TENM4: variants seen among roughly 807,000 people sequenced by gnomAD.
TENM4 encodes the protein teneurin transmembrane protein 4, also known as teneurin-4.
Under a neutral mutation model 243.3 loss-of-function variants are expected in TENM4, and 82 were observed. The ratio of observed to expected loss-of-function variants is 0.34; its 90% confidence interval spans 0.28 to 0.40. The LOEUF (loss-of-function observed/expected upper bound fraction) is 0.40, where lower values mean the gene tolerates loss of function less well. Ranked by LOEUF, TENM4 falls within the 10% of genes least tolerant of loss-of-function variation. The probability of loss-of-function intolerance (pLI) is 1.00; values close to 1 mark genes in which losing one functional copy is unlikely to be tolerated. For missense variants in TENM4, 3,138 were observed against 3,673.3 expected (o/e 0.85, Z 3.77); for synonymous variants, 1,412 against 1,456.3 (o/e 0.97, Z 0.69).
At chr11:79,326,088 G>T (rs1856971054) in intron 1 of TENM4, among the ~76,000 whole-genome samples, 1 of 152,150 alleles carries the variant, frequency 6.6e-6, no homozygotes, top group Non-Finnish European at 1.5e-5. Flanking sequence ...GGAACATATT[G>T]TGGGGTAAGA....
chr11:78,712,474 G>A lies in TENM4; in HGVS notation c.4054+8C>T, dbSNP rs1214111051. The A allele has an allele frequency of 2.4e-5, 39 of 1,610,984 alleles. No homozygotes were observed. In the East Asian group the frequency reaches 8.5e-4, roughly 35 times the overall value. The stretch of plus-strand genomic sequence containing the variant: ...GTTATTGACAATGTCTCTAAGGCAA[G>A]GCCTTACCCCTGGGATTGGTGAGTG... On this transcript the variant is annotated splice_region_variant and intron_variant, in intron 26 of 33. Transcript: ENST00000278550.
intron 2 of TENM4, among the ~76,000 whole-genome samples, chr11:79,272,359 AT>A (rs1176134184): frequency 6.6e-6 from 1 of 152,246 alleles, no homozygotes; most frequent in Non-Finnish European, 1.5e-5. Flanking sequence ...AAAGAAAAAA[AT>A]GACAACAATT....
intron 1 of TENM4, among the ~76,000 whole-genome samples, chr11:79,412,749 A>C (rs1439780623): frequency 1.3e-5 from 2 of 152,198 alleles, no homozygotes; most frequent in Non-Finnish European, 2.9e-5. Context: ...AACACTCCTG[A>C]TTATCATGTT....
At chr11:79,023,561 CAA>C (rs3985612) in intron 6 of TENM4, among the ~76,000 whole-genome samples, 10 of 113,368 alleles carry the variant, frequency 8.8e-5, no homozygotes, top group Admixed American at 9.7e-5. Context: ...GGCTCTGTCT[CAA>C]AAAAAAAAAA....
chr11:79,312,667 A>C (rs1015009250), intron 1 of TENM4, among the ~76,000 whole-genome samples: 9 of 152,304 alleles, frequency 5.9e-5, no homozygotes, highest in Non-Finnish European at 1.2e-4. Flanking sequence ...TTATAGCCTC[A>C]GTGCCTAGCA....
At chr11:79,363,364 C>T (rs534952496) in intron 1 of TENM4, among the ~76,000 whole-genome samples, 6 of 152,232 alleles carry the variant, frequency 3.9e-5, no homozygotes, top group South Asian at 2.1e-4. Flanking sequence ...TTCTCCCAAC[C>T]GGAATGTAAA....
intron 1 of TENM4, among the ~76,000 whole-genome samples, chr11:79,378,217 G>A (rs1565321712): frequency 6.6e-6 from 1 of 152,200 alleles, no homozygotes; most frequent in East Asian, 1.9e-4. Context: ...TGCATGCCTG[G>A]ATCTTGGGCA....
At chr11:79,354,064 A>G (rs1857458948) in intron 1 of TENM4, among the ~76,000 whole-genome samples, 1 of 152,200 alleles carries the variant, frequency 6.6e-6, no homozygotes. Flanking sequence ...CCCATTGTTT[A>G]TTTTTGTTGT....
intron 3 of TENM4, among the ~76,000 whole-genome samples, chr11:79,154,560 G>T (rs1380942245): frequency 6.6e-6 from 1 of 152,094 alleles, no homozygotes; most frequent in Non-Finnish European, 1.5e-5. Context: ...CTGATGTTAT[G>T]TTCCCATCAG....
At chr11:79,436,402 A>C (rs942003818) in intron 1 of TENM4, among the ~76,000 whole-genome samples, 17 of 152,344 alleles carry the variant, frequency 1.1e-4, no homozygotes, top group African/African-American at 4.1e-4. Context: ...GCCATTTTAC[A>C]GGGGAGAGGA....
chr11:79,376,817 T>C (rs1399709709), intron 1 of TENM4, among the ~76,000 whole-genome samples: 1 of 152,158 alleles, frequency 6.6e-6, no homozygotes. Context: ...CCTCTCCACA[T>C]GTACTCTCAG....
chr11:79,222,421 G>T (rs1198534310), intron 2 of TENM4, among the ~76,000 whole-genome samples: 1 of 152,118 alleles, frequency 6.6e-6, no homozygotes, highest in African/African-American at 2.4e-5. Context: ...GGGCATTTGG[G>T]TTGGTTCCGT....
chr11:79,379,479 C>T (rs949240746), intron 1 of TENM4, among the ~76,000 whole-genome samples: 1 of 152,128 alleles, frequency 6.6e-6, no homozygotes, highest in Non-Finnish European at 1.5e-5. Context: ...GGAGAGATGA[C>T]AATGGACTGG....
chr11:79,379,441 C>T (rs752989294), intron 1 of TENM4, among the ~76,000 whole-genome samples: 2 of 152,114 alleles, frequency 1.3e-5, no homozygotes, highest in Non-Finnish European at 2.9e-5. Flanking sequence ...AAACAGGACC[C>T]CTTTTAGATA....
chr11:79,421,234 T>C (rs571286652), intron 1 of TENM4, among the ~76,000 whole-genome samples: 1 of 152,266 alleles, frequency 6.6e-6, no homozygotes, highest in Admixed American at 6.5e-5. Flanking sequence ...CTTGTCTATA[T>C]GTTTTCATAA....
At chr11:78,898,903 A>G (rs1855857280) in intron 7 of TENM4, among the ~76,000 whole-genome samples, 1 of 152,204 alleles carries the variant, frequency 6.6e-6, no homozygotes, top group Non-Finnish European at 1.5e-5. Flanking sequence ...ATAATAAAAC[A>G]CTACATAATA....
intron 4 of TENM4, among the ~76,000 whole-genome samples, chr11:79,140,754 GT>G (rs1862271422): frequency 6.6e-6 from 1 of 152,104 alleles, no homozygotes; most frequent in Admixed American, 6.6e-5. Context: ...TTTCTTCACA[GT>G]TTTCTAACTT....
At chr11:78,930,418 A>G (rs1856642621) in intron 6 of TENM4, among the ~76,000 whole-genome samples, 1 of 152,168 alleles carries the variant, frequency 6.6e-6, no homozygotes, top group African/African-American at 2.4e-5. Flanking sequence ...AAGGGAAAGG[A>G]ACTTGGAGTT....
At chr11:78,933,467 A>C (rs1856715145) in intron 6 of TENM4, among the ~76,000 whole-genome samples, 1 of 152,214 alleles carries the variant, frequency 6.6e-6, no homozygotes, top group Non-Finnish European at 1.5e-5. Flanking sequence ...CTAAGGTTAC[A>C]AGGTTGGCTG....
Sources: gnomAD v4.1 joint callset for allele counts (sites outside exome capture counted in the v4.1 genomes callset) on GRCh38, gnomAD v4.1.1 for gene constraint, MANE v1.5 for transcripts, NCBI Gene and HGNC (gene_info 2026-07-23, HGNC 2026-07-21) for gene names.